ASMT: variants seen among roughly 807,000 people sequenced by gnomAD.
The protein encoded by ASMT is acetylserotonin N-methyltransferase.
A neutral mutation model predicts 41.3 loss-of-function variants in ASMT; 53 were observed. The observed-to-expected ratio is 1.28, with a 90% CI of 1.03 to 1.61. The LOEUF (loss-of-function observed/expected upper bound fraction) is 1.61, where lower values mean the gene tolerates loss of function less well. Ranked by LOEUF, ASMT falls within the 40% of genes most tolerant of loss-of-function variation. ASMT has a pLI of 0.00. For synonymous variants in ASMT, 231 were observed against 184.8 expected (o/e 1.25, Z -2.03); for missense variants, 531 against 441.3 (o/e 1.20, Z -1.82).
intron 8 of ASMT, among the ~76,000 whole-genome samples, chrX:1,641,982 G>A (rs867563168): frequency 1.1e-4 from 10 of 94,282 alleles, no homozygotes; most frequent in South Asian, 4.9e-4. Context: ...CCACCCATCC[G>A]ATGGTTCATG....
At chrX:1,616,990 G>C (rs780337184) in intron 1 of ASMT, among the ~76,000 whole-genome samples, 93 of 152,196 alleles carry the variant, frequency 6.1e-4, no homozygotes, top group Non-Finnish European at 1.0e-3. Context: ...TTACAGGCGT[G>C]AGCCACTGTG....
intron 3 of ASMT, among the ~76,000 whole-genome samples, chrX:1,624,843 CA>C (rs1934469978): frequency 2.7e-5 from 2 of 74,124 alleles, no homozygotes; most frequent in African/African-American, 7.0e-5. Context: ...GTGGGGGCTG[CA>C]CCCAGGCAGA....
intron 2 of ASMT, among the ~76,000 whole-genome samples, chrX:1,623,747 G>C (rs1436370275): frequency 6.6e-6 from 1 of 151,888 alleles, no homozygotes; most frequent in African/African-American, 2.4e-5. Context: ...ATTTTTAATA[G>C]AGACAGGATT....
Position 1,616,919 on chromosome X carries a change from A to G in ASMT, c.69+1651A>G, listed in dbSNP as rs767266786. Among the ~76,000 whole-genome samples the G allele has an allele frequency of 2.2e-4, 33 of 151,960 alleles. 2 individuals carry two copies. The East Asian group carries it at 2.6e-3, about 12-fold the overall frequency. On this transcript the variant is annotated intron_variant, in intron 1 of 8. Transcript: ENST00000381241. ...GAGACGGGGTTTCACCGTGTTAGCC[A>G]GGATGGTCTCGATCTCCTGACCTCA...
chrX:1,620,788 C>CTGAGGCAGGAGAATGGCT (rs1396264411), intron 1 of ASMT, among the ~76,000 whole-genome samples: 2 of 152,096 alleles, frequency 1.3e-5, no homozygotes, highest in Non-Finnish European at 2.9e-5. Flanking sequence ...AGTCGGGAGG[C>CTGAGGCAGGAGAATGGCT]TGAGGCAGGA....
chrX:1,620,970 C>G (rs1380865038), intron 1 of ASMT, among the ~76,000 whole-genome samples: 2 of 151,546 alleles, frequency 1.3e-5, no homozygotes, highest in Non-Finnish European at 2.9e-5. Flanking sequence ...GTGGCACGTG[C>G]CTGTAATCAC....
At chrX:1,636,246 C>T (rs1180616325) in intron 7 of ASMT, 192 bp from the exon 8 acceptor site, 63 of 827,278 alleles carry the variant, frequency 7.6e-5, no homozygotes, top group African/African-American at 2.0e-4. Context: ...CGTGAGCCAC[C>T]GCGCCCGACC....
At position 1,630,745 on chromosome X, in the gene ASMT, C is replaced by G. The variant is rs770481953; in HGVS notation, c.562+806C>G. Among the ~76,000 whole-genome samples the G allele has an allele frequency of 8.6e-5, 13 of 152,002 alleles. No homozygotes were observed. In the South Asian group the frequency reaches 1.2e-3, roughly 15 times the overall value. Reference sequence around the variant, plus strand: ...CTCATTTAAAAACTTTTCTGTAGAGCCTGAGTCTCTCTACGTTGCCCTGGC... The same window carrying G: ...CTCATTTAAAAACTTTTCTGTAGAGGCTGAGTCTCTCTACGTTGCCCTGGC... On this transcript the variant is annotated intron_variant, in intron 5 of 8. Coordinates refer to ENST00000381241, the MANE Select transcript of ASMT (RefSeq NM_001171038.2).
Position 1,633,410 on chromosome X carries a change from C to T in ASMT, c.787+120C>T, listed in dbSNP as rs1168529502. 1.6e-5 allele frequency: 18 copies of T among 1,136,560 alleles called. No homozygotes were observed. In the East Asian group the frequency reaches 2.6e-4, roughly 16 times the overall value. The allele number at this position is 1,136,560 out of a possible 1,614,324, so 70.4% of individuals were successfully genotyped here. On this transcript the variant is annotated intron_variant, in intron 7 of 8. Coordinates refer to ENST00000381241, the MANE Select transcript of ASMT (RefSeq NM_001171038.2). ...TTCCTCTCACTCCCGGAAACACCCT[C>T]AACTCAACACTGTCTGTTATTCATG...
intron 7 of ASMT, 48 bp downstream of exon 7, chrX:1,633,338 CA>C: frequency 5.6e-6 from 9 of 1,612,218 alleles, no homozygotes; most frequent in Non-Finnish European, 5.9e-6. Context: ...ACGGCTTCTC[CA>C]GGGGGACTGG....
Position 1,632,744 on chromosome X carries a change from A to G in ASMT, c.603A>G (p.Leu201=), listed in dbSNP as rs1316939956. 5 of 295,532 alleles carry G rather than the reference A, an allele frequency of 1.7e-5. No individual in the cohort carries two copies. The highest frequency in any genetic ancestry group is 2.6e-5 in the Non-Finnish European group (4 of 152,332). The allele number at this position is 295,532 out of a possible 1,614,324, so 18.3% of individuals were successfully genotyped here. A position where few individuals can be genotyped will look rare whatever the true frequency, so the allele number is the denominator to read the frequency against. The change falls in exon 6 of 9, where the codon CTA becomes CTG. Residue 201 remains leucine (L), a synonymous_variant. Transcript: ENST00000381241. ...IKLETIILSK[L]SQGQKTKHRV... ...TGGAAACCATCATTCTCAGCAAACT[A>G]TCGCAAGGACAGAAAACCAAACACC...
At position 1,623,255 on chromosome X, in the gene ASMT, C is replaced by G; in HGVS notation, c.186C>G (p.Leu62=). Residue 62 remains leucine, a synonymous_variant, in exon 2 of 9, where the codon CTC becomes CTG. Coordinates refer to ENST00000381241, the MANE Select transcript of ASMT (RefSeq NM_001171038.2). ...GVRASAHGTE[L]LLDICVSLKL... ...GGGCCAGCGCCCATGGGACAGAGCT[C>G]CTGCTGGACATCTGTGTGTCCCTGA... The G allele has an allele frequency of 6.2e-7, 1 of 1,613,866 alleles. No homozygotes were observed. The highest frequency in any genetic ancestry group is 8.5e-7 in the Non-Finnish European group (1 of 1,179,876).
intron 4 of ASMT, among the ~76,000 whole-genome samples, chrX:1,628,641 T>C (rs1189708004): frequency 3.3e-5 from 5 of 149,680 alleles, no homozygotes; most frequent in Admixed American, 6.7e-5. Flanking sequence ...CCCTCTCTTT[T>C]CCTCTTCCAT....
At chrX:1,629,723 G>T in intron 4 of ASMT, 98 bp from the exon 5 acceptor site, 1 of 1,081,450 alleles carries the variant, frequency 9.2e-7, no homozygotes, top group Non-Finnish European at 1.4e-6. Flanking sequence ...TGCACCTGTG[G>T]GGTATAGCTC....
chrX:1,627,761 GC>G lies in ASMT; in HGVS notation c.435del (p.Ile146SerfsTer27), dbSNP rs1378556238. Reference sequence around the variant, plus strand: ...CGTTCCCGCTGAAGAGCTTTTTACGGCCATCTACAGGTAACACCCATCACTT... The same window carrying G: ...CGTTCCCGCTGAAGAGCTTTTTACGGCATCTACAGGTAACACCCATCACTT... ...FGVPAEELFT[A>X]IYRSEGERLQ... On this transcript the variant is annotated frameshift_variant, in exon 4 of 9. Transcript: ENST00000381241. LOFTEE classifies it high-confidence loss of function. The G allele has an allele frequency of 6.2e-7, 1 of 1,613,836 alleles. No homozygotes were observed. Among genetic ancestry groups the G allele is most frequent in the Admixed American group, 1.7e-5 (1 of 60,004 alleles).
chrX:1,616,592 C>T (rs73620113), intron 1 of ASMT, among the ~76,000 whole-genome samples: 2,296 of 151,460 alleles, frequency 0.015, 79 homozygotes, highest in African/African-American at 0.053. Flanking sequence ...TAATGATGGC[C>T]GGGCTCAGCG....
At chrX:1,617,192 G>A (rs1410111464) in intron 1 of ASMT, among the ~76,000 whole-genome samples, 9 of 150,606 alleles carry the variant, frequency 6.0e-5, no homozygotes, top group Non-Finnish European at 8.9e-5. Flanking sequence ...TAAACGGCAG[G>A]GCGCGGTGGC....
intron 1 of ASMT, among the ~76,000 whole-genome samples, chrX:1,616,898 C>A (rs1266681020): frequency 1.3e-5 from 2 of 151,714 alleles, no homozygotes; most frequent in Non-Finnish European, 1.5e-5. Context: ...TTAGTAGAGA[C>A]GGGGTTTCAC....
At chrX:1,618,868 G>C (rs1209929788) in intron 1 of ASMT, among the ~76,000 whole-genome samples, 1 of 152,198 alleles carries the variant, frequency 6.6e-6, no homozygotes, top group African/African-American at 2.4e-5. Context: ...ACTGTCGCTG[G>C]TTCACAGCGG....
Sources: allele counts gnomAD v4.1 joint callset (sites outside exome capture counted in the v4.1 genomes callset), GRCh38; gene constraint gnomAD v4.1.1; transcripts MANE v1.5; gene names NCBI Gene and HGNC (gene_info 2026-07-23, HGNC 2026-07-21).